ZDHHC17: variants seen among roughly 807,000 people sequenced by gnomAD.
The protein encoded by ZDHHC17 is palmitoyltransferase ZDHHC17.
ZDHHC17 carries 40 observed loss-of-function variants against 90.3 expected under a neutral mutation model. The ratio of observed to expected loss-of-function variants is 0.44; its 90% CI spans 0.34 to 0.58. The LOEUF (loss-of-function observed/expected upper bound fraction) is 0.58, where lower values mean the gene tolerates loss of function less well. ZDHHC17 is among the 20% of genes least tolerant of loss of function. The pLI, the probability that ZDHHC17 is intolerant of heterozygous loss-of-function variation, is 0.01. For synonymous variants in ZDHHC17, 235 were observed against 252.4 expected, an observed-to-expected ratio of 0.93 and a Z score of 0.65; for missense variants, 614 against 780.8, an observed-to-expected ratio of 0.79 and a Z score of 2.55.
rs1027675843 is a variant in ZDHHC17, at chr12:76,764,128, G to A, written c.-109G>A. The stretch of plus-strand genomic sequence containing the variant: ...GACAGAGGGGGCGTCACGGGGGCAG[G>A]AGAAGAAGGAGGAGGAGGCCCGCGT... On this transcript the variant is annotated 5_prime_UTR_variant, in exon 1 of 17. Transcript: ENST00000426126. 8.5e-6 allele frequency: 7 copies of A among 826,330 alleles called. No individual in the cohort carries two copies. The highest frequency in any genetic ancestry group is 2.8e-5 in the East Asian group (1 of 35,384). The allele number at this position is 826,330 out of a possible 1,614,324, so 51.2% of individuals were successfully genotyped here.
At chr12:76,821,058 G>A in intron 7 of ZDHHC17, 3 of 1,288,980 alleles carry the variant, frequency 2.3e-6, no homozygotes, top group Non-Finnish European at 3.0e-6. Context: ...TTTTGTCTAG[G>A]CAATCCTTAG....
At chr12:76,789,940 A>G (rs1016963154) in intron 1 of ZDHHC17, among the ~76,000 whole-genome samples, 3 of 152,156 alleles carry the variant, frequency 2.0e-5, no homozygotes, top group African/African-American at 4.8e-5. Flanking sequence ...AGTATCCTGG[A>G]TGGGATCCTG....
At chr12:76,831,654 G>GT (rs200180210) in intron 10 of ZDHHC17, among the ~76,000 whole-genome samples, 1,695 of 151,770 alleles carry the variant, frequency 0.011, 11 homozygotes, top group Non-Finnish European at 0.017. Context: ...CTGGCCTGTG[G>GT]TTTTTTTTGA....
intron 1 of ZDHHC17, among the ~76,000 whole-genome samples, chr12:76,771,134 A>G (rs1952487307): frequency 6.6e-6 from 1 of 152,154 alleles, no homozygotes. Context: ...TTGAAAAATA[A>G]TGATTCAAGA....
chr12:76,847,071 G>T (rs962681071), intron 14 of ZDHHC17, among the ~76,000 whole-genome samples: 1 of 152,178 alleles, frequency 6.6e-6, no homozygotes, highest in Non-Finnish European at 1.5e-5. Context: ...AATTAAATTT[G>T]CAGAGAATTT....
chr12:76,789,147 T>G (rs961202235), intron 1 of ZDHHC17, among the ~76,000 whole-genome samples: 1 of 152,216 alleles, frequency 6.6e-6, no homozygotes, highest in Admixed American at 6.5e-5. Flanking sequence ...ATAAAAATAT[T>G]CATACTCTTT....
At position 76,848,224 on chromosome 12, in the gene ZDHHC17, T is replaced by A; in HGVS notation, c.1508-9T>A. On this transcript the variant is annotated splice_polypyrimidine_tract_variant and intron_variant, in intron 14 of 16. Transcript: ENST00000426126. ...TGAGTAAATACGAGTACTTCTGTTC[T>A]GGCTTTAGACTGGGGACTCCACTGT... is the stretch of plus-strand genomic sequence containing the variant. 6.2e-7 allele frequency: 1 copy of A among 1,613,744 alleles called. No individual in the cohort carries two copies. The highest frequency in any genetic ancestry group is 8.5e-7 in the Non-Finnish European group (1 of 1,179,700).
chr12:76,830,985 C>T (rs529017763), intron 10 of ZDHHC17, among the ~76,000 whole-genome samples: 2 of 152,212 alleles, frequency 1.3e-5, no homozygotes, highest in East Asian at 3.9e-4. Context: ...AAGACCAGAA[C>T]AATCAAGTCT....
intron 16 of ZDHHC17, 37 bp downstream of exon 16, chr12:76,849,507 T>G (rs1203244477): frequency 1.7e-5 from 24 of 1,373,908 alleles, no homozygotes; most frequent in Non-Finnish European, 2.4e-5. Flanking sequence ...TTTTACCTGG[T>G]CATAAAAATT....
intron 8 of ZDHHC17, among the ~76,000 whole-genome samples, chr12:76,824,098 A>G (rs1953200401): frequency 6.6e-6 from 1 of 152,122 alleles, no homozygotes; most frequent in Non-Finnish European, 1.5e-5. Context: ...GTATATTCAC[A>G]CACACACATA....
chr12:76,782,506 T>C (rs1009165814), intron 1 of ZDHHC17, among the ~76,000 whole-genome samples: 1 of 152,168 alleles, frequency 6.6e-6, no homozygotes, highest in African/African-American at 2.4e-5. Flanking sequence ...AGCATTTCCT[T>C]TGGGCCAGGC....
At chr12:76,800,001 C>T (rs531413076) in intron 2 of ZDHHC17, among the ~76,000 whole-genome samples, 50 of 152,196 alleles carry the variant, frequency 3.3e-4, no homozygotes, top group African/African-American at 1.2e-3. Flanking sequence ...GTTTTATGCA[C>T]CTGTCACATG....
At chr12:76,791,195 A>AT (rs1952755878) in intron 1 of ZDHHC17, among the ~76,000 whole-genome samples, 1 of 152,176 alleles carries the variant, frequency 6.6e-6, no homozygotes, top group African/African-American at 2.4e-5. Context: ...AACTAATTAC[A>AT]TTTTTAAAAA....
At chr12:76,849,524 C>A in intron 16 of ZDHHC17, 54 bp downstream of exon 16, 1 of 1,129,618 alleles carries the variant, frequency 8.9e-7, no homozygotes, top group Non-Finnish European at 1.3e-6. Context: ...AATTTTCTTA[C>A]TAACCAGACT....
chr12:76,777,729 T>C (rs1308089397), intron 1 of ZDHHC17, among the ~76,000 whole-genome samples: 1 of 152,182 alleles, frequency 6.6e-6, no homozygotes, highest in Non-Finnish European at 1.5e-5. Context: ...ATATTTACTT[T>C]CTAATTGGTC....
chr12:76,797,540 A>C lies in ZDHHC17; in HGVS notation c.197+3A>C. 6.3e-7 allele frequency: 1 copy of C among 1,586,144 alleles called. No homozygotes were observed. Among genetic ancestry groups the C allele is most frequent in the Non-Finnish European group, 8.6e-7 (1 of 1,167,466 alleles). ...TGGGACATAGTCAAGGCTACACAGT[A>C]AGGTTTTTGTTGTAGTTGTTTTCTT... On this transcript the variant is annotated splice_donor_region_variant and intron_variant, in intron 2 of 16. Transcript: ENST00000426126.
chr12:76,841,163 ATTGAG>A (rs1455688661), intron 10 of ZDHHC17: 2 of 152,228 alleles, frequency 1.3e-5, no homozygotes, highest in African/African-American at 4.8e-5. Context: ...TCAAGTGGCT[ATTGAG>A]TGTTCTGGTA....
intron 14 of ZDHHC17, among the ~76,000 whole-genome samples, chr12:76,847,380 C>CAGTGTTA (rs1234636653): frequency 6.6e-6 from 1 of 152,174 alleles, no homozygotes; most frequent in Non-Finnish European, 1.5e-5. Context: ...TAAAAATAAT[C>CAGTGTTA]AGTGTTATTG....
chr12:76,773,077 TG>T (rs1952515276), intron 1 of ZDHHC17, among the ~76,000 whole-genome samples: 1 of 152,094 alleles, frequency 6.6e-6, no homozygotes, highest in Non-Finnish European at 1.5e-5. Context: ...AGGCTGGTCT[TG>T]AACTCCTGAC....
Sources: allele counts gnomAD v4.1 joint callset (sites outside exome capture counted in the v4.1 genomes callset), GRCh38; gene constraint gnomAD v4.1.1; transcripts MANE v1.5; gene names NCBI Gene and HGNC (gene_info 2026-07-23, HGNC 2026-07-21).